Variants in ZFP64 observed in about 807,000 individuals in gnomAD.
ZFP64 encodes ZFP64 zinc finger protein.
In ZFP64, 14 loss-of-function variants were observed where a neutral mutation model predicts 51.6. That is an observed-to-expected ratio of 0.27 (90% confidence interval 0.18 to 0.42). ZFP64 has a LOEUF of 0.42. ZFP64 is among the 10% of genes least tolerant of loss of function. The pLI, the probability that ZFP64 is intolerant of heterozygous loss-of-function variation, is 1.00. For synonymous variants in ZFP64, 375 were observed against 361.4 expected (o/e 1.04, Z -0.43); for missense variants, 754 against 906.8 (o/e 0.83, Z 2.16).
intron 5 of ZFP64, among the ~76,000 whole-genome samples, chr20:52,117,011 G>T (rs1472886304): frequency 1.3e-5 from 2 of 152,104 alleles, no homozygotes; most frequent in Non-Finnish European, 1.5e-5. Context: ...CTGAGAGGTT[G>T]CAGTGAGCCG....
At chr20:52,117,664 T>A (rs914022589) in intron 5 of ZFP64, 1 of 456,576 alleles carries the variant, frequency 2.2e-6, no homozygotes, top group African/African-American at 2.0e-5. Flanking sequence ...CCCATGTGAC[T>A]TCTTCTATGA....
intron 4 of ZFP64, among the ~76,000 whole-genome samples, chr20:52,164,079 G>A (rs1982043423): frequency 6.6e-6 from 1 of 152,298 alleles, no homozygotes; most frequent in Admixed American, 6.5e-5. Context: ...GGGAAGGCAA[G>A]GTGGGTGGAT....
At chr20:52,109,175 G>T (rs1446066803) in intron 5 of ZFP64, among the ~76,000 whole-genome samples, 1 of 151,574 alleles carries the variant, frequency 6.6e-6, no homozygotes. Context: ...CTTTGAGACG[G>T]AGTCTCACTT....
intron 2 of ZFP64, among the ~76,000 whole-genome samples, chr20:52,179,623 T>C (rs574548579): frequency 1.9e-4 from 29 of 152,334 alleles, no homozygotes; most frequent in African/African-American, 7.0e-4. Context: ...AGATTCTTTT[T>C]TAAGGCTTTC....
intron 5 of ZFP64, among the ~76,000 whole-genome samples, chr20:52,104,457 C>T (rs2079088119): frequency 6.6e-6 from 1 of 152,200 alleles, no homozygotes; most frequent in African/African-American, 2.4e-5. Flanking sequence ...CATCACTGCT[C>T]TATCCCCACC....
At chr20:52,094,466 G>GCAAT (rs768647808) in intron 7 of ZFP64, among the ~76,000 whole-genome samples, 39 of 152,158 alleles carry the variant, frequency 2.6e-4, no homozygotes, top group South Asian at 1.0e-3. Flanking sequence ...TCTTAAACTA[G>GCAAT]CAATATAGGG....
rs776883572 is a variant in ZFP64, at chr20:52,142,388, A to ACACACGCGCG, written c.763+17734_763+17735insCGCGCGTGTG. Among the ~76,000 whole-genome samples the ACACACGCGCG allele has an allele frequency of 2.6e-3, 389 of 148,656 alleles. 5 individuals carry two copies. The highest frequency in any genetic ancestry group is 8.2e-3 in the African/African-American group (330 of 40,102). ...ATCACACACACACAGACACACACACACACACACACACACACACACACACAC... is the reference window on the plus strand; with the variant it reads ...ATCACACACACACAGACACACACACACACACGCGCGCACACACACACACACACACACACAC... On this transcript the variant is annotated intron_variant, in intron 5 of 8. Coordinates refer to the ZFP64 transcript ENST00000361387.
exon 8 of ZFP64, chr20:52,088,432 G>C (rs1232853620): frequency 6.2e-7 from 1 of 1,614,134 alleles, no homozygotes; most frequent in East Asian, 2.2e-5. Flanking sequence ...GGCTGGAGTT[G>C]CGGCTGGCAT....
intron 5 of ZFP64, among the ~76,000 whole-genome samples, chr20:52,100,632 G>A (rs2122766065): frequency 6.6e-6 from 1 of 152,298 alleles, no homozygotes; most frequent in South Asian, 2.1e-4. Flanking sequence ...ACAAAAGGTG[G>A]ATTATCACTT....
At chr20:52,164,547 T>C (rs1401289244) in intron 4 of ZFP64, 148 bp downstream of exon 4, 1 of 702,908 alleles carries the variant, frequency 1.4e-6, no homozygotes, top group Non-Finnish European at 2.5e-6. Context: ...TGTGTACAAA[T>C]GGCACCTTAT....
intron 5 of ZFP64, among the ~76,000 whole-genome samples, chr20:52,126,224 C>G (rs1979440100): frequency 6.6e-6 from 1 of 152,148 alleles, no homozygotes; most frequent in Admixed American, 6.6e-5. Flanking sequence ...TTATTTAATT[C>G]TTCCCTACAA....
At chr20:52,117,946 C>T (rs1978966418) in intron 5 of ZFP64, among the ~76,000 whole-genome samples, 1 of 151,918 alleles carries the variant, frequency 6.6e-6, no homozygotes, top group Non-Finnish European at 1.5e-5. Flanking sequence ...CAAGTGCACA[C>T]CACAGCACCC....
intron 2 of ZFP64, among the ~76,000 whole-genome samples, chr20:52,180,547 C>CAAAAAAAAAAAAAAA (rs10669415): frequency 4.6e-5 from 4 of 87,200 alleles, no homozygotes; most frequent in Non-Finnish European, 8.6e-5. Flanking sequence ...CCAGAAATGG[C>CAAAAAAAAAAAAAAA]AAAAAAAAAA....
chr20:52,182,655 G>T (rs188655383), intron 2 of ZFP64, among the ~76,000 whole-genome samples: 1 of 152,160 alleles, frequency 6.6e-6, no homozygotes, highest in Non-Finnish European at 1.5e-5. Flanking sequence ...GAAGATCAAG[G>T]CTGCAGTGAG....
downstream of ZFP64, among the ~76,000 whole-genome samples, chr20:52,146,674 A>G (rs1268075784): frequency 6.6e-6 from 1 of 152,146 alleles, no homozygotes; most frequent in Non-Finnish European, 1.5e-5. Flanking sequence ...GCACGTGTAT[A>G]CATATGTAAC....
intron 5 of ZFP64, chr20:52,105,025 G>C (rs1481289498): frequency 7.7e-7 from 1 of 1,304,054 alleles, no homozygotes; most frequent in Non-Finnish European, 1.0e-6. Context: ...CGGACGCTTC[G>C]CCCGCCCTTT....
intron 2 of ZFP64, among the ~76,000 whole-genome samples, chr20:52,174,951 C>T (rs1050523311): frequency 1.3e-5 from 2 of 152,174 alleles, no homozygotes; most frequent in African/African-American, 4.8e-5. Context: ...CTTGCATTTC[C>T]TTTACATGTA....
At chr20:52,096,510 A>G (rs1568943808) in intron 7 of ZFP64, among the ~76,000 whole-genome samples, 2 of 152,266 alleles carry the variant, frequency 1.3e-5, no homozygotes, top group African/African-American at 2.4e-5. Flanking sequence ...TGAAAGAACA[A>G]ACCAATATTC....
chr20:52,191,506 G>A lies in ZFP64; in HGVS notation c.46+85C>T. Reference sequence around the variant, plus strand: ...CCGATTTCGGGGCCCCGGGCCTGCTGGCTGCGTCGCAGACGTGCTTGGGCC... The same window carrying A: ...CCGATTTCGGGGCCCCGGGCCTGCTAGCTGCGTCGCAGACGTGCTTGGGCC... On this transcript the variant is annotated intron_variant, in intron 1 of 5. Transcript: ENST00000216923. This position sits in a 1 kb window ranked among gnomAD's most constrained non-coding sequence, Gnocchi z 4.3. The A allele has an allele frequency of 7.1e-7, 1 of 1,408,954 alleles. No homozygotes were observed. The highest frequency in any genetic ancestry group is 9.3e-7 in the Non-Finnish European group (1 of 1,078,924). The allele number at this position is 1,408,954 out of a possible 1,614,324, so 87.3% of individuals were successfully genotyped here.
Sources: gnomAD v4.1 joint callset for allele counts (sites outside exome capture counted in the v4.1 genomes callset) on GRCh38, gnomAD v4.1.1 for gene constraint, Gnocchi (gnomAD v3.1) non-coding constraint, MANE v1.5 for transcripts, NCBI Gene and HGNC (gene_info 2026-07-23, HGNC 2026-07-21) for gene names.